OR2F1: variants seen among roughly 807,000 people sequenced by gnomAD.
The protein encoded by OR2F1 is olfactory receptor family 2 subfamily F member 1.
For synonymous variants in OR2F1, 146 were observed against 155.3 expected, an observed-to-expected ratio of 0.94 and a Z score of 0.44; for missense variants, 389 against 378.2, an observed-to-expected ratio of 1.03 and a Z score of -0.24.
At chr7:143,956,834 G>A (rs2050289640) in intron 1 of OR2F1, among the ~76,000 whole-genome samples, 1 of 152,080 alleles carries the variant, frequency 6.6e-6, no homozygotes, top group South Asian at 2.1e-4. Context: ...GAAAAGGTAA[G>A]TGTGGCTGAG....
intron 2 of OR2F1, 81 bp from the exon 3 acceptor site, chr7:143,959,867 C>T (rs766976783): frequency 2.9e-5 from 26 of 900,096 alleles, no homozygotes; most frequent in Non-Finnish European, 4.3e-5. Context: ...CTAGGGCTGG[C>T]TGGCATGTAC....
chr7:143,960,757 C>G lies in OR2F1; in HGVS notation c.787C>G (p.His263Asp), dbSNP rs1392099715. ...GVAIFTYIQP[H>D]SSPSVLQEKL... ...GGCCATTTTCACTTACATCCAGCCCCACTCCAGTCCCTCTGTCCTTCAGGA... is the reference window on the plus strand; with the variant it reads ...GGCCATTTTCACTTACATCCAGCCCGACTCCAGTCCCTCTGTCCTTCAGGA... Residue 263 changes from histidine to aspartate, a missense_variant, in exon 3 of 3, where the codon CAC (histidine) becomes GAC (aspartate). Physicochemically the swap from His to Asp is moderately conservative, Grantham distance 81. Coordinates refer to ENST00000641412, the MANE Select transcript of OR2F1 (RefSeq NM_012369.3). 1 of 1,614,066 alleles carries G rather than the reference C, an allele frequency of 6.2e-7. No individual in the cohort carries two copies. Among genetic ancestry groups the G allele is most frequent in the Non-Finnish European group, 8.5e-7 (1 of 1,180,046 alleles).
At position 143,961,945 on chromosome 7, in the gene OR2F1, A is replaced by G. The variant is rs2050333104; in HGVS notation, c.*1021A>G. The G allele has an allele frequency of 6.6e-6, 1 of 152,234 alleles. No homozygotes were observed. Among genetic ancestry groups the G allele is most frequent in the Non-Finnish European group, 1.5e-5 (1 of 68,042 alleles). 9.4% of individuals were successfully genotyped at this position (152,234 alleles called of 1,614,324 possible). ...TGCCACCTCCGTCTTCGTCACCTTC[A>G]CACACACAACAGAGCCATAGGTGAA... On this transcript the variant is annotated 3_prime_UTR_variant, in exon 3 of 3. Coordinates refer to ENST00000641412, the MANE Select transcript of OR2F1 (RefSeq NM_012369.3).
Position 143,960,799 on chromosome 7 carries a change from T to C in OR2F1, c.829T>C (p.Phe277Leu). 1 of 1,614,188 alleles carries C rather than the reference T, an allele frequency of 6.2e-7. No individual in the cohort carries two copies. Among genetic ancestry groups the C allele is most frequent in the South Asian group, 1.1e-5 (1 of 91,082 alleles). The part of the protein sequence containing the change: ...SVLQEKLFSV[F>L]YAILTPMLNP... ...CCTTCAGGAGAAGTTGTTCTCTGTC[T>C]TTTATGCCATTTTAACACCAATGCT... The change falls in exon 3 of 3, where the codon TTT (phenylalanine) becomes CTT (leucine). Residue 277 changes from phenylalanine to leucine, a missense_variant. Coordinates refer to ENST00000641412, the MANE Select transcript of OR2F1 (RefSeq NM_012369.3).
rs1291184460 is a variant in OR2F1 at position 143,964,257 on chromosome 7, T to G, written c.*3333T>G. On this transcript the variant is annotated 3_prime_UTR_variant, in exon 3 of 3. Transcript: ENST00000641412. ...CTTTATTGTTTATTTAGCCATTAAA[T>G]AGAAAAAATTTAAAAAGACACTGAA... 3 of 152,108 alleles carry G rather than the reference T, an allele frequency of 2.0e-5. No homozygotes were observed. The highest frequency in any genetic ancestry group is 4.4e-5 in the Non-Finnish European group (3 of 67,994). 9.4% of individuals were successfully genotyped at this position (152,108 alleles called of 1,614,324 possible). A position where few individuals can be genotyped will look rare whatever the true frequency, so the allele number is the denominator to read the frequency against.
At chr7:143,957,275 T>C (rs1163630244) in intron 1 of OR2F1, among the ~76,000 whole-genome samples, 1 of 152,110 alleles carries the variant, frequency 6.6e-6, no homozygotes, top group African/African-American at 2.4e-5. Flanking sequence ...CAAGGCAAAT[T>C]CGATTGGAGG....
chr7:143,959,335 T>G (rs186987004), intron 2 of OR2F1, among the ~76,000 whole-genome samples: 5 of 152,322 alleles, frequency 3.3e-5, no homozygotes, highest in Non-Finnish European at 5.9e-5. Flanking sequence ...GAAAAACTGA[T>G]GTTAAATGAA....
Position 143,960,836 on chromosome 7 carries a change from T to C in OR2F1, c.866T>C (p.Ile289Thr). Reference sequence around the variant, plus strand: ...TTAACACCAATGCTGAACCCCATGATTTACAGCCTAAGGAATAAAGAGGTG... The same window carrying C: ...TTAACACCAATGCTGAACCCCATGACTTACAGCCTAAGGAATAAAGAGGTG... ...AILTPMLNPM[I>T]YSLRNKEVKG... The change falls in exon 3 of 3, where the codon ATT (isoleucine) becomes ACT (threonine). Residue 289 changes from isoleucine to threonine, a missense_variant. Ile to Thr is a moderately conservative substitution (Grantham distance 89). Transcript: ENST00000641412. The C allele has an allele frequency of 4.3e-6, 7 of 1,614,180 alleles. No individual in the cohort carries two copies. The highest frequency in any genetic ancestry group is 5.9e-6 in the Non-Finnish European group (7 of 1,180,012).
chr7:143,956,313 C>T (rs2050284954), intron 1 of OR2F1, among the ~76,000 whole-genome samples: 1 of 149,632 alleles, frequency 6.7e-6, no homozygotes, highest in Admixed American at 6.8e-5. Flanking sequence ...TTAAAATCAT[C>T]TGGCTCATAC....
At position 143,961,066 on chromosome 7, in the gene OR2F1, G is replaced by A. The variant is rs1331641120; in HGVS notation, c.*142G>A. On this transcript the variant is annotated 3_prime_UTR_variant, in exon 3 of 3. Coordinates refer to ENST00000641412, the MANE Select transcript of OR2F1 (RefSeq NM_012369.3). ...CTGTGGATGTTATGGAGGAGGGGGA[G>A]TGGTTCAATTGGATGGGGTGTGGGA... 4.5e-6 allele frequency: 3 copies of A among 663,076 alleles called. No homozygotes were observed. The African/African-American group carries it at 5.5e-5, about 12-fold the overall frequency. 41.1% of individuals were successfully genotyped at this position (663,076 alleles called of 1,614,324 possible).
At position 143,962,761 on chromosome 7, in the gene OR2F1, G is replaced by A. The variant is rs192249299; in HGVS notation, c.*1837G>A. On this transcript the variant is annotated 3_prime_UTR_variant, in exon 3 of 3. Coordinates refer to ENST00000641412, the MANE Select transcript of OR2F1 (RefSeq NM_012369.3). ...GGTCAGATCCTGGAAGGCGTCGAAT[G>A]TCTAAGTATCTTTTAACTTTATTCT... The A allele has an allele frequency of 6.6e-6, 1 of 152,308 alleles. No homozygotes were observed. The allele number at this position is 152,308 out of a possible 1,614,324, so 9.4% of individuals were successfully genotyped here.
In OR2F1 at chr7:143,961,114, G is replaced by A. The variant is rs2050327391; in HGVS notation, c.*190G>A. The A allele has an allele frequency of 1.8e-6, 1 of 566,574 alleles. No homozygotes were observed. The allele number at this position is 566,574 out of a possible 1,614,324, so 35.1% of individuals were successfully genotyped here. On this transcript the variant is annotated 3_prime_UTR_variant, in exon 3 of 3. Transcript: ENST00000641412. Reference sequence around the variant, plus strand: ...GGACGTGGGGTTATATTTATGAACAGTGGAGTTAGATACTGCTGTTATAAA... The same window carrying A: ...GGACGTGGGGTTATATTTATGAACAATGGAGTTAGATACTGCTGTTATAAA...
In OR2F1 at chr7:143,963,463, T is replaced by C. The variant is rs2050346794; in HGVS notation, c.*2539T>C. On this transcript the variant is annotated 3_prime_UTR_variant, in exon 3 of 3. Coordinates refer to ENST00000641412, the MANE Select transcript of OR2F1 (RefSeq NM_012369.3). Reference sequence around the variant, plus strand: ...ACTATAGTCTCATATTCTGTATTAGTCAGGTTTCTTTAGAGAGACAAGACT... The same window carrying C: ...ACTATAGTCTCATATTCTGTATTAGCCAGGTTTCTTTAGAGAGACAAGACT... 6.6e-6 allele frequency: 1 copy of C among 150,772 alleles called. No homozygotes were observed. Among genetic ancestry groups the C allele is most frequent in the South Asian group, 2.1e-4 (1 of 4,804 alleles). 9.3% of individuals were successfully genotyped at this position (150,772 alleles called of 1,614,324 possible).
intron 2 of OR2F1, among the ~76,000 whole-genome samples, chr7:143,959,444 T>C (rs146878353): frequency 2.6e-5 from 4 of 152,334 alleles, no homozygotes; most frequent in East Asian, 1.9e-4. Flanking sequence ...ACATCATGAA[T>C]CTGCCTAATA....
chr7:143,956,608 T>C (rs2050287950), intron 1 of OR2F1, among the ~76,000 whole-genome samples: 1 of 152,144 alleles, frequency 6.6e-6, no homozygotes, highest in African/African-American at 2.4e-5. Context: ...GAAGAGCAGA[T>C]TATGGATTGG....
Position 143,960,546 on chromosome 7 carries a change from C to T in OR2F1, c.576C>T (p.Thr192=). The T allele has an allele frequency of 6.2e-7, 1 of 1,614,184 alleles. No homozygotes were observed. Among genetic ancestry groups the T allele is most frequent in the Non-Finnish European group, 8.5e-7 (1 of 1,180,028 alleles). ...TGGTCAGGCTGGCTTGTGTGGACAC[C>T]TCCTCCAATGAGGTCACCATCATGG... The part of the protein sequence containing the change: ...LAVVRLACVD[T]SSNEVTIMVS... Residue 192 remains threonine (T), a synonymous_variant, in exon 3 of 3, where the codon ACC becomes ACT. Coordinates refer to ENST00000641412, the MANE Select transcript of OR2F1 (RefSeq NM_012369.3).
Position 143,961,006 on chromosome 7 carries a change from C to A in OR2F1, c.*82C>A. 3 of 1,052,322 alleles carry A rather than the reference C, an allele frequency of 2.9e-6. No individual in the cohort carries two copies. The highest frequency in any genetic ancestry group is 2.8e-6 in the Non-Finnish European group (2 of 713,478). 65.2% of individuals were successfully genotyped at this position (1,052,322 alleles called of 1,614,324 possible). On this transcript the variant is annotated 3_prime_UTR_variant, in exon 3 of 3. Transcript: ENST00000641412. ...GATCTGACAGGTGTAAACTACATTGCCCTGGCAACCAGGAAGGAGATGACG... is the reference window on the plus strand; with the variant it reads ...GATCTGACAGGTGTAAACTACATTGACCTGGCAACCAGGAAGGAGATGACG...
intron 2 of OR2F1, 116 bp downstream of exon 2, chr7:143,959,224 T>A (rs564473234): frequency 6.6e-6 from 1 of 152,198 alleles, no homozygotes; most frequent in Non-Finnish European, 1.5e-5. Flanking sequence ...ACTACTAAAA[T>A]CCATGATTCT....
intron 2 of OR2F1, 46 bp from the exon 3 acceptor site, chr7:143,959,902 T>G: frequency 8.0e-7 from 1 of 1,255,316 alleles, no homozygotes; most frequent in Non-Finnish European, 1.1e-6. Context: ...CAAGTAATTC[T>G]TATAGTTATT....
Sources: gnomAD v4.1 joint callset for allele counts (sites outside exome capture counted in the v4.1 genomes callset) on GRCh38, gnomAD v4.1.1 for gene constraint, MANE v1.5 for transcripts, NCBI Gene and HGNC (gene_info 2026-07-23, HGNC 2026-07-21) for gene names.